The following LRIT3 variants were observed in gnomAD, a reference collection of about 807,000 sequenced individuals.
LRIT3 encodes the protein leucine rich repeat, Ig-like and transmembrane domains 3.
LRIT3 carries 14 observed loss-of-function variants against 22.6 expected under a neutral mutation model. The ratio of observed to expected loss-of-function variants is 0.62; its 90% CI spans 0.41 to 0.97. LRIT3 has a LOEUF of 0.97. LRIT3 is among the 50% of genes least tolerant of loss of function. LRIT3 has a pLI of 0.00. For synonymous variants in LRIT3, 306 were observed against 304.5 expected, an observed-to-expected ratio of 1.01 and a Z score of -0.05; for missense variants, 783 against 803.0, an observed-to-expected ratio of 0.98 and a Z score of 0.30.
chr4:109,851,296 G>A, intron 1 of LRIT3: 2 of 579,236 alleles, frequency 3.5e-6, no homozygotes, highest in Non-Finnish European at 6.0e-6. Context: ...CACTGGTGAA[G>A]TGGTTTTCCA....
Position 109,871,403 on chromosome 4 carries a change from G to A in LRIT3, c.*614G>A, listed in dbSNP as rs1734830564. 1 of 152,166 alleles carries A rather than the reference G, an allele frequency of 6.6e-6. No homozygotes were observed. The highest frequency in any genetic ancestry group is 2.4e-5 in the African/African-American group (1 of 41,428). The allele number at this position is 152,166 out of a possible 1,614,324, so 9.4% of individuals were successfully genotyped here. ...GAAATATAGGTATTAGCAAAAGTAA[G>A]TATACAAAGAGGATTATGACAAATA... On this transcript the variant is annotated 3_prime_UTR_variant, in exon 4 of 4. Coordinates refer to ENST00000594814, the MANE Select transcript of LRIT3 (RefSeq NM_198506.5).
intron 2 of LRIT3, among the ~76,000 whole-genome samples, chr4:109,859,394 T>C (rs1341900935): frequency 6.6e-6 from 1 of 152,194 alleles, no homozygotes; most frequent in African/African-American, 2.4e-5. Flanking sequence ...ATTTACAATA[T>C]AGTGTGTGCA....
At position 109,870,309 on chromosome 4, in the gene LRIT3, C is replaced by T. The variant is rs200468838; in HGVS notation, c.1560C>T (p.Ser520=). ...THNSAVTVLY[S]KYGGKDLLLL... is the part of the protein sequence containing the mutation. ...ACTCTGCAGTGACTGTGTTGTATTCCAAGTATGGTGGGAAGGACCTGCTGC... is the reference window on the plus strand; with the variant it reads ...ACTCTGCAGTGACTGTGTTGTATTCTAAGTATGGTGGGAAGGACCTGCTGC... The change falls in exon 4 of 4, where the codon TCC becomes TCT. Residue 520 remains serine, a synonymous_variant. Coordinates refer to ENST00000594814, the MANE Select transcript of LRIT3 (RefSeq NM_198506.5). The T allele has an allele frequency of 2.5e-5, 40 of 1,614,086 alleles. No individual in the cohort carries two copies. Among genetic ancestry groups the T allele is most frequent in the Non-Finnish European group, 3.3e-5 (39 of 1,180,014 alleles).
intron 2 of LRIT3, among the ~76,000 whole-genome samples, chr4:109,866,773 C>G (rs190756187): frequency 3.3e-5 from 5 of 152,316 alleles, no homozygotes; most frequent in Admixed American, 3.3e-4. Flanking sequence ...TTTCTTCAAG[C>G]CCTCACTGAT....
At chr4:109,861,891 T>C (rs867278459) in intron 2 of LRIT3, among the ~76,000 whole-genome samples, 10 of 152,236 alleles carry the variant, frequency 6.6e-5, no homozygotes, top group Non-Finnish European at 1.2e-4. Context: ...TATTTTCTTA[T>C]AGTTTTAGCC....
chr4:109,870,841 A>G lies in LRIT3; in HGVS notation c.*52A>G. On this transcript the variant is annotated 3_prime_UTR_variant, in exon 4 of 4. Transcript: ENST00000594814. ...CTACAAAACTAGCATCTAAGGGTATAATTGACCCTAGGTTTGGATGACTTT... is the reference window on the plus strand; with the variant it reads ...CTACAAAACTAGCATCTAAGGGTATGATTGACCCTAGGTTTGGATGACTTT... 6.6e-7 allele frequency: 1 copy of G among 1,507,522 alleles called. No individual in the cohort carries two copies. The highest frequency in any genetic ancestry group is 8.9e-7 in the Non-Finnish European group (1 of 1,127,132). The allele number at this position is 1,507,522 out of a possible 1,614,324, so 93.4% of individuals were successfully genotyped here.
At position 109,870,827 on chromosome 4, in the gene LRIT3, G is replaced by T; in HGVS notation, c.*38G>T. On this transcript the variant is annotated 3_prime_UTR_variant, in exon 4 of 4. Coordinates refer to ENST00000594814, the MANE Select transcript of LRIT3 (RefSeq NM_198506.5). ...CAGGTGCATGTGAGCTACAAAACTA[G>T]CATCTAAGGGTATAATTGACCCTAG... The T allele has an allele frequency of 6.5e-7, 1 of 1,529,946 alleles. No individual in the cohort carries two copies. Among genetic ancestry groups the T allele is most frequent in the Non-Finnish European group, 8.8e-7 (1 of 1,139,348 alleles). The allele number at this position is 1,529,946 out of a possible 1,614,324, so 94.8% of individuals were successfully genotyped here.
At chr4:109,866,171 A>G (rs1460227091) in intron 2 of LRIT3, among the ~76,000 whole-genome samples, 1 of 152,140 alleles carries the variant, frequency 6.6e-6, no homozygotes, top group Non-Finnish European at 1.5e-5. Flanking sequence ...TTTATGAACT[A>G]ACAGTTACAT....
chr4:109,854,284 C>T (rs1319936860), intron 2 of LRIT3, among the ~76,000 whole-genome samples: 1 of 152,112 alleles, frequency 6.6e-6, no homozygotes, highest in East Asian at 1.9e-4. Flanking sequence ...TTTTAGTTCT[C>T]CTTAAAGAGA....
chr4:109,859,057 A>T (rs1231900456), intron 2 of LRIT3, among the ~76,000 whole-genome samples: 1 of 152,184 alleles, frequency 6.6e-6, no homozygotes. Context: ...TTTCCAAAAG[A>T]TGGGTGCCAG....
At chr4:109,866,802 A>G (rs1734691533) in intron 2 of LRIT3, among the ~76,000 whole-genome samples, 1 of 152,204 alleles carries the variant, frequency 6.6e-6, no homozygotes, top group East Asian at 1.9e-4. Flanking sequence ...TGAAGGCCCA[A>G]AGGCTTCTGC....
intron 3 of LRIT3, among the ~76,000 whole-genome samples, chr4:109,868,399 C>T (rs947178019): frequency 7.9e-5 from 12 of 151,994 alleles, no homozygotes; most frequent in African/African-American, 1.9e-4. Context: ...GGCAAAACTC[C>T]GTCTCTACTA....
chr4:109,851,738 G>A lies in LRIT3; in HGVS notation c.351G>A (p.Leu117=). 6.4e-7 allele frequency: 1 copy of A among 1,551,724 alleles called. No homozygotes were observed. The change falls in exon 2 of 4, where the codon CTG becomes CTA. Residue 117 remains leucine (L), a synonymous_variant. Transcript: ENST00000594814. The part of the protein sequence containing the change: ...LHELRLDGNS[L]AAFPWASLLD... ...AGTTGCGCTTGGATGGGAATTCTCT[G>A]GCTGCTTTCCCTTGGGCATCTCTGC...
intron 2 of LRIT3, among the ~76,000 whole-genome samples, chr4:109,854,427 A>G (rs147030189): frequency 8.5e-5 from 13 of 152,314 alleles, no homozygotes; most frequent in African/African-American, 3.1e-4. Context: ...ATTTTAGCAC[A>G]TTGATTTTGT....
intron 2 of LRIT3, among the ~76,000 whole-genome samples, chr4:109,852,361 T>C (rs1734294907): frequency 6.6e-6 from 1 of 152,216 alleles, no homozygotes; most frequent in African/African-American, 2.4e-5. Flanking sequence ...CAACTCTTCA[T>C]TAGGTTCTTC....
At chr4:109,855,485 A>C (rs1207205163) in intron 2 of LRIT3, among the ~76,000 whole-genome samples, 1 of 152,166 alleles carries the variant, frequency 6.6e-6, no homozygotes, top group African/African-American at 2.4e-5. Context: ...CCTTTCAAAA[A>C]ACCAGCTCCT....
At chr4:109,865,730 T>C (rs550628328) in intron 2 of LRIT3, among the ~76,000 whole-genome samples, 1 of 152,330 alleles carries the variant, frequency 6.6e-6, no homozygotes, top group East Asian at 1.9e-4. Flanking sequence ...AATTATGTAA[T>C]TAAAAATTCA....
Position 109,869,643 on chromosome 4 carries a change from A to G in LRIT3, c.896-2A>G. The stretch of plus-strand genomic sequence containing the variant: ...ACAGACTATACATTTGTTTTCTTCC[A>G]GTAATACAAGAATCTCCAGAGGAAG... On this transcript the variant is annotated splice_acceptor_variant, in intron 3 of 3. Transcript: ENST00000594814. LOFTEE classifies it high-confidence loss of function. 1.3e-6 allele frequency: 2 copies of G among 1,531,854 alleles called. No homozygotes were observed. Among genetic ancestry groups the G allele is most frequent in the Non-Finnish European group, 1.8e-6 (2 of 1,142,366 alleles). The allele number at this position is 1,531,854 out of a possible 1,614,324, so 94.9% of individuals were successfully genotyped here.
Position 109,870,593 on chromosome 4 carries a change from C to G in LRIT3, c.1844C>G (p.Pro615Arg), listed in dbSNP as rs764460867. 9 of 1,613,500 alleles carry G rather than the reference C, an allele frequency of 5.6e-6. No individual in the cohort carries two copies. Among genetic ancestry groups the G allele is most frequent in the Middle Eastern group, 1.6e-4 (1 of 6,082 alleles). The change falls in exon 4 of 4, where the codon CCT (proline) becomes CGT (arginine). Residue 615 changes from proline to arginine, a missense_variant. By Grantham distance (103) the Pro-to-Arg change is moderately radical (BLOSUM62 -2). Coordinates refer to ENST00000594814, the MANE Select transcript of LRIT3 (RefSeq NM_198506.5). ...KVCKLQCKSE[P>R]FWEDDLAKET... The stretch of plus-strand genomic sequence containing the variant: ...TGCAAACTGCAATGTAAATCAGAAC[C>G]TTTTTGGGAAGATGATTTGGCAAAG...
Sources: allele counts gnomAD v4.1 joint callset (sites outside exome capture counted in the v4.1 genomes callset), GRCh38; gene constraint gnomAD v4.1.1; transcripts MANE v1.5; gene names NCBI Gene and HGNC (gene_info 2026-07-23, HGNC 2026-07-21).